The following ZNF827 variants were observed in gnomAD, a reference collection of about 807,000 sequenced individuals.
ZNF827 encodes the protein zinc finger protein 827.
ZNF827 carries 13 observed loss-of-function variants against 102.4 expected under a neutral mutation model. The ratio of observed to expected loss-of-function variants is 0.13; its 90% CI spans 0.08 to 0.20. ZNF827 has a LOEUF of 0.20. Ranked by LOEUF, ZNF827 falls within the 10% of genes least tolerant of loss-of-function variation. The pLI, the probability that ZNF827 is intolerant of heterozygous loss-of-function variation, is 1.00. For synonymous variants in ZNF827, 523 were observed against 536.2 expected (o/e 0.98, Z 0.34); for missense variants, 1,103 against 1,344.4 (o/e 0.82, Z 2.81).
At chr4:145,777,332 C>A (rs910065639) in intron 9 of ZNF827, among the ~76,000 whole-genome samples, 1 of 152,192 alleles carries the variant, frequency 6.6e-6, no homozygotes, top group Non-Finnish European at 1.5e-5. Flanking sequence ...CTTTTTAAAT[C>A]TTTTTCTATC....
chr4:145,902,753 A>C lies in ZNF827; in HGVS notation c.506T>G (p.Leu169Arg). 6.2e-7 allele frequency: 1 copy of C among 1,614,130 alleles called. No homozygotes were observed. The highest frequency in any genetic ancestry group is 8.5e-7 in the Non-Finnish European group (1 of 1,180,034). The change falls in exon 2 of 15, where the codon CTG (leucine) becomes CGG (arginine). Residue 169 changes from leucine (L) to arginine (R), a missense_variant. Leu to Arg is a moderately radical substitution (Grantham distance 102). Around this residue, in one of 5 missense-constraint regions of ZNF827, gnomAD observed 441 missense variants for 458.6 expected, o/e 0.96. Coordinates refer to ENST00000508784, the MANE Select transcript of ZNF827 (RefSeq NM_001306215.2). This position sits in a 1 kb window ranked among gnomAD's most constrained non-coding sequence, Gnocchi z 4.3. ...PSHHAQQLSV[L>R]ARKLAEKQEQ... ...CTGCTTCTCGGCCAACTTCCTGGCC[A>C]GAACACTGAGCTGCTGGGCGTGGTG...
At chr4:145,829,677 G>A (rs1398551147) in intron 7 of ZNF827, among the ~76,000 whole-genome samples, 2 of 152,140 alleles carry the variant, frequency 1.3e-5, no homozygotes, top group African/African-American at 4.8e-5. Flanking sequence ...CAGTTCTGTG[G>A]GAGCCAACGT....
chr4:145,899,197 G>A (rs1348737756), intron 2 of ZNF827, among the ~76,000 whole-genome samples: 1 of 152,084 alleles, frequency 6.6e-6, no homozygotes, highest in East Asian at 1.9e-4. Flanking sequence ...CCCATACAGG[G>A]GTGATGACTC....
chr4:145,840,144 G>A (rs571463696), intron 7 of ZNF827, among the ~76,000 whole-genome samples: 9 of 152,236 alleles, frequency 5.9e-5, no homozygotes, highest in Non-Finnish European at 8.8e-5. Flanking sequence ...CTGTGTGTGT[G>A]TATCTCCATT....
intron 8 of ZNF827, among the ~76,000 whole-genome samples, chr4:145,794,089 G>A (rs902906420): frequency 3.3e-5 from 5 of 152,190 alleles, no homozygotes; most frequent in Non-Finnish European, 5.9e-5. Context: ...TTTACGGAAC[G>A]TGTACTAGAG....
intron 2 of ZNF827, among the ~76,000 whole-genome samples, chr4:145,896,947 G>GAA (rs200250237): frequency 6.6e-6 from 1 of 151,430 alleles, no homozygotes; most frequent in Non-Finnish European, 1.5e-5. Context: ...TCAAAAATTG[G>GAA]AAAAAAAAGA....
chr4:145,932,960 C>T (rs1753920215), intron 1 of ZNF827, among the ~76,000 whole-genome samples: 1 of 152,172 alleles, frequency 6.6e-6, no homozygotes, highest in African/African-American at 2.4e-5. Flanking sequence ...CTCAAATGCA[C>T]AGCAAGCTCT....
intron 8 of ZNF827, among the ~76,000 whole-genome samples, chr4:145,807,684 C>A (rs1279930182): frequency 3.3e-5 from 5 of 151,132 alleles, no homozygotes; most frequent in African/African-American, 4.9e-5. Context: ...CTTGGCCAGG[C>A]TGGTCTTGAA....
chr4:145,884,961 T>A (rs942224365), intron 4 of ZNF827, among the ~76,000 whole-genome samples: 11 of 152,000 alleles, frequency 7.2e-5, no homozygotes, highest in Non-Finnish European at 1.5e-4. Flanking sequence ...GGGGAAGAGG[T>A]GAACCGAGAG....
intron 1 of ZNF827, among the ~76,000 whole-genome samples, chr4:145,908,058 A>T (rs1447825299): frequency 6.6e-6 from 1 of 152,128 alleles, no homozygotes; most frequent in Non-Finnish European, 1.5e-5. Flanking sequence ...TGTCTTTTCA[A>T]CTCACTTCCT....
Position 145,938,356 on chromosome 4 carries a change from A to T in ZNF827, c.43+9T>A. 1 of 1,613,666 alleles carries T rather than the reference A, an allele frequency of 6.2e-7. No individual in the cohort carries two copies. The highest frequency in any genetic ancestry group is 8.5e-7 in the Non-Finnish European group (1 of 1,179,968). ...TGGCACGAGAGGAGGTGGAGAAGGG[A>T]TGACTTACGTGAGGGAAGGCGCTTG... On this transcript the variant is annotated intron_variant, in intron 1 of 14. Transcript: ENST00000508784.
chr4:145,906,361 CATTAAGAGGTGAACACTCATT>C (rs1349175110), intron 1 of ZNF827, among the ~76,000 whole-genome samples: 1 of 152,218 alleles, frequency 6.6e-6, no homozygotes, highest in African/African-American at 2.4e-5. Flanking sequence ...TGAGATAAAT[CATTAAGAGGTGAACACTCATT>C]ATTCCTGTAC....
chr4:145,917,461 C>T (rs188675069), intron 1 of ZNF827, among the ~76,000 whole-genome samples: 1 of 152,138 alleles, frequency 6.6e-6, no homozygotes, highest in Admixed American at 6.5e-5. Context: ...AACAAACCCA[C>T]TCCCATGATA....
intron 8 of ZNF827, among the ~76,000 whole-genome samples, chr4:145,800,115 T>C (rs981361183): frequency 1.3e-5 from 2 of 152,220 alleles, no homozygotes; most frequent in African/African-American, 4.8e-5. Context: ...ATAATGCATA[T>C]GTTCTCTTTC....
At chr4:145,920,547 C>A (rs529750680) in intron 1 of ZNF827, among the ~76,000 whole-genome samples, 1 of 152,206 alleles carries the variant, frequency 6.6e-6, no homozygotes, top group African/African-American at 2.4e-5. Context: ...GCTACATTCA[C>A]GCGAATGTCC....
At chr4:145,846,960 C>T (rs1407748822) in intron 6 of ZNF827, among the ~76,000 whole-genome samples, 1 of 147,636 alleles carries the variant, frequency 6.8e-6, no homozygotes, top group Non-Finnish European at 1.5e-5. Context: ...TCAAGACCAG[C>T]CTGGCCAACA....
chr4:145,862,308 G>T (rs1747804805), intron 5 of ZNF827, among the ~76,000 whole-genome samples: 1 of 152,184 alleles, frequency 6.6e-6, no homozygotes, highest in Admixed American at 6.5e-5. Context: ...TAACAATACT[G>T]CTGTCTAGCC....
Position 145,761,238 on chromosome 4 carries a change from G to A in ZNF827, c.*378C>T, listed in dbSNP as rs990646378. 6 of 1,289,766 alleles carry A rather than the reference G, an allele frequency of 4.7e-6. No homozygotes were observed. In the African/African-American group the frequency reaches 7.6e-5, roughly 16 times the overall value. The allele number at this position is 1,289,766 out of a possible 1,614,324, so 79.9% of individuals were successfully genotyped here. A position where few individuals can be genotyped will look rare whatever the true frequency, so the allele number is the denominator to read the frequency against. On this transcript the variant is annotated 3_prime_UTR_variant, in exon 15 of 15. Transcript: ENST00000508784. The surrounding 1 kb of genome is among the most constrained non-coding windows in gnomAD (Gnocchi z 6.8). ...GGCGGCTGAAGACGAAAGGGTGTGT[G>A]GTCTTGAACAGGCACTCTTCGCAGC...
At chr4:145,831,600 G>C (rs949445095) in intron 7 of ZNF827, 2 of 152,242 alleles carry the variant, frequency 1.3e-5, no homozygotes, top group African/African-American at 4.8e-5. Context: ...CGTTGATGCG[G>C]CTGCATAACT....
Sources: allele counts gnomAD v4.1 joint callset (sites outside exome capture counted in the v4.1 genomes callset), GRCh38; gene constraint gnomAD v4.1.1; regional missense constraint gnomAD v4.1.1; non-coding constraint Gnocchi (gnomAD v3.1); transcripts MANE v1.5; gene names NCBI Gene and HGNC (gene_info 2026-07-23, HGNC 2026-07-21).